CIMIP6: variants seen among roughly 807,000 people sequenced by gnomAD.
CIMIP6 encodes uncharacterized protein C2orf73.
chr2:54,337,957 C>T, the CIMIP6 span, among the ~76,000 whole-genome samples: 1 of 151,914 alleles, frequency 6.6e-6, no homozygotes, highest in African/African-American at 2.4e-5. Context: ...ATGGTGAGAC[C>T]CCATTTATAC....
the CIMIP6 span, among the ~76,000 whole-genome samples, chr2:54,378,280 C>T: frequency 2.7e-4 from 41 of 152,352 alleles, no homozygotes; most frequent in South Asian, 6.0e-3. Flanking sequence ...GGGTTACCAA[C>T]GCAGGATAAC....
At chr2:54,336,329 A>G in the CIMIP6 span, among the ~76,000 whole-genome samples, 2 of 152,130 alleles carry the variant, frequency 1.3e-5, no homozygotes, top group Non-Finnish European at 2.9e-5. Flanking sequence ...CCAGAAAGTC[A>G]TGTTAATGGA....
At chr2:54,343,650 T>C in the CIMIP6 span, 4 of 1,145,022 alleles carry the variant, frequency 3.5e-6, no homozygotes, top group Admixed American at 2.8e-5. Flanking sequence ...TGAATATCCA[T>C]AGACATCAAG....
the CIMIP6 span, among the ~76,000 whole-genome samples, chr2:54,358,596 GT>G: frequency 6.6e-6 from 1 of 151,950 alleles, no homozygotes; most frequent in Non-Finnish European, 1.5e-5. Flanking sequence ...GTTTCACCAT[GT>G]TCCCCAGGCT....
the CIMIP6 span, among the ~76,000 whole-genome samples, chr2:54,374,581 T>C: frequency 6.6e-6 from 1 of 152,252 alleles, no homozygotes; most frequent in African/African-American, 2.4e-5. Flanking sequence ...AGAACTTAAA[T>C]ATCAACCAGG....
At chr2:54,333,099 G>A in the CIMIP6 span, among the ~76,000 whole-genome samples, 2 of 152,092 alleles carry the variant, frequency 1.3e-5, no homozygotes, top group Non-Finnish European at 2.9e-5. Flanking sequence ...CATTTACCTT[G>A]GATGAACAGG....
the CIMIP6 span, chr2:54,334,765 T>C: frequency 5.0e-6 from 6 of 1,212,024 alleles, no homozygotes; most frequent in Non-Finnish European, 7.0e-6. Context: ...TAATTTTGAC[T>C]CAATATTTTA....
At chr2:54,383,626 C>T in the CIMIP6 span, 2 of 151,832 alleles carry the variant, frequency 1.3e-5, no homozygotes. Flanking sequence ...TTTTACTTCT[C>T]ATAGCATTTA....
the CIMIP6 span, chr2:54,359,149 T>C: frequency 1.2e-6 from 1 of 853,500 alleles, no homozygotes; most frequent in Non-Finnish European, 1.8e-6. Flanking sequence ...TTTCAAGTCA[T>C]AATTATCTTT....
the CIMIP6 span, among the ~76,000 whole-genome samples, chr2:54,341,698 G>C: frequency 6.6e-6 from 1 of 152,190 alleles, no homozygotes; most frequent in East Asian, 1.9e-4. Context: ...GATATATCTT[G>C]GGGAAGTTAC....
chr2:54,357,429 T>C, the CIMIP6 span, among the ~76,000 whole-genome samples: 1 of 152,142 alleles, frequency 6.6e-6, no homozygotes, highest in Admixed American at 6.6e-5. Context: ...ATTCAAATGG[T>C]ACAAAAAGAT....
At chr2:54,360,355 C>T in the CIMIP6 span, 2 of 1,610,254 alleles carry the variant, frequency 1.2e-6, no homozygotes, top group Admixed American at 1.7e-5. Context: ...GCAGAATGAT[C>T]TCACCAGGTC....
the CIMIP6 span, among the ~76,000 whole-genome samples, chr2:54,369,797 GA>G: frequency 6.6e-6 from 1 of 152,176 alleles, no homozygotes; most frequent in Admixed American, 6.5e-5. Context: ...GTTATTAAAA[GA>G]ATTCAGTGAG....
At chr2:54,334,958 C>T in the CIMIP6 span, 1 of 1,603,754 alleles carries the variant, frequency 6.2e-7, no homozygotes, top group Non-Finnish European at 8.5e-7. Flanking sequence ...AATTCATTAA[C>T]ACAAATGCAA....
At chr2:54,374,087 G>A in the CIMIP6 span, among the ~76,000 whole-genome samples, 5 of 152,140 alleles carry the variant, frequency 3.3e-5, no homozygotes, top group Admixed American at 6.5e-5. Flanking sequence ...CCAGACTCCT[G>A]AGGTCAGCAG....
the CIMIP6 span, among the ~76,000 whole-genome samples, chr2:54,344,793 C>A: frequency 4.6e-5 from 7 of 152,032 alleles, no homozygotes; most frequent in African/African-American, 1.7e-4. Context: ...AATAAAGTCA[C>A]GGAAGTATCA....
chr2:54,332,826 A>G, the CIMIP6 span, among the ~76,000 whole-genome samples: 1 of 152,214 alleles, frequency 6.6e-6, no homozygotes, highest in Admixed American at 6.5e-5. Flanking sequence ...AAATTAATTG[A>G]CCCCAAAGAC....
the CIMIP6 span, chr2:54,343,644 T>C: frequency 9.4e-7 from 1 of 1,060,720 alleles, no homozygotes. Context: ...AATTACTGAA[T>C]ATCCATAGAC....
the CIMIP6 span, among the ~76,000 whole-genome samples, chr2:54,365,886 G>A: frequency 9.9e-5 from 15 of 152,198 alleles, no homozygotes; most frequent in Admixed American, 8.5e-4. Context: ...TGGAAGATAG[G>A]ACTGAAGAAA....
Sources: allele counts gnomAD v4.1 joint callset (sites outside exome capture counted in the v4.1 genomes callset), GRCh38; gene constraint gnomAD v4.1.1; transcripts MANE v1.5; gene names NCBI Gene and HGNC (gene_info 2026-07-23, HGNC 2026-07-21).